PPP2R2D: variants seen among roughly 807,000 people sequenced by gnomAD.
The protein encoded by PPP2R2D is protein phosphatase 2 regulatory subunit Bdelta, also known as serine/threonine-protein phosphatase 2A 55 kDa regulatory subunit B delta isoform.
Under a neutral mutation model 31.1 loss-of-function variants are expected in PPP2R2D, and 9 were observed. The observed-to-expected ratio is 0.29, with a 90% CI of 0.17 to 0.51. PPP2R2D has a LOEUF of 0.51. PPP2R2D is among the 20% of genes least tolerant of loss of function. The pLI, the probability that PPP2R2D is intolerant of heterozygous loss-of-function variation, is 0.98. For missense variants in PPP2R2D, 391 were observed against 465.6 expected (o/e 0.84, Z 1.48); for synonymous variants, 179 against 172.6 (o/e 1.04, Z -0.29).
intron 2 of PPP2R2D, among the ~76,000 whole-genome samples, chr10:131,927,470 G>A (rs1225226621): frequency 6.6e-6 from 1 of 152,194 alleles, no homozygotes; most frequent in Non-Finnish European, 1.5e-5. Context: ...GTGAGAGTCC[G>A]AGTGAAGACG....
chr10:131,966,643 T>G, the PPP2R2D span: 1 of 152,152 alleles, frequency 6.6e-6, no homozygotes, highest in East Asian at 1.9e-4. Flanking sequence ...CTTGAACTCC[T>G]GGGCTCAAGG....
intron 2 of PPP2R2D, among the ~76,000 whole-genome samples, chr10:131,929,504 T>C (rs554714889): frequency 6.6e-6 from 1 of 152,118 alleles, no homozygotes; most frequent in South Asian, 2.1e-4. Flanking sequence ...GGCCTGCATT[T>C]CTCAAGACTC....
At chr10:131,924,343 A>G (rs2036057320) in intron 2 of PPP2R2D, among the ~76,000 whole-genome samples, 1 of 152,124 alleles carries the variant, frequency 6.6e-6, no homozygotes, top group Non-Finnish European at 1.5e-5. Flanking sequence ...AATTACATTT[A>G]TATATAATTT....
chr10:131,929,685 C>T (rs1204264619), intron 2 of PPP2R2D, among the ~76,000 whole-genome samples: 4 of 152,128 alleles, frequency 2.6e-5, no homozygotes, highest in African/African-American at 4.8e-5. Flanking sequence ...CAGCAGCTCC[C>T]GGCTGTGCTC....
At chr10:131,913,101 C>A (rs1474464786) in intron 2 of PPP2R2D, among the ~76,000 whole-genome samples, 1 of 152,038 alleles carries the variant, frequency 6.6e-6, no homozygotes, top group Non-Finnish European at 1.5e-5. Flanking sequence ...CGGCTCACTG[C>A]AACCTCCGCT....
chr10:131,952,314 CG>C (rs1417427250), intron 8 of PPP2R2D, among the ~76,000 whole-genome samples: 2 of 51,448 alleles, frequency 3.9e-5, no homozygotes, highest in Non-Finnish European at 6.6e-5. Flanking sequence ...TGCGGGTGTG[CG>C]GGGGGTTCAC....
At position 131,956,276 on chromosome 10, in the gene PPP2R2D, A is replaced by C. The variant is rs551688590; in HGVS notation, c.*313A>C. On this transcript the variant is annotated 3_prime_UTR_variant, in exon 9 of 9. Coordinates refer to ENST00000455566, the MANE Select transcript of PPP2R2D (RefSeq NM_018461.5). ...CTTCCTTTCCAATTTATAGACCAAA[A>C]AATTAACATCCAAGAGAAAAGTTAT... 10 of 1,057,108 alleles carry C rather than the reference A, an allele frequency of 9.5e-6. No homozygotes were observed. The East Asian group carries it at 5.3e-4, about 56-fold the overall frequency. 65.5% of individuals were successfully genotyped at this position (1,057,108 alleles called of 1,614,324 possible).
intron 2 of PPP2R2D, among the ~76,000 whole-genome samples, chr10:131,927,047 C>G (rs2036120884): frequency 6.6e-6 from 1 of 152,240 alleles, no homozygotes; most frequent in Non-Finnish European, 1.5e-5. Context: ...TCCAGGTGGT[C>G]TCTGCTGGAA....
At chr10:131,970,404 C>A in the PPP2R2D span, 1 of 593,818 alleles carries the variant, frequency 1.7e-6, no homozygotes, top group Non-Finnish European at 2.9e-6. The surrounding 1 kb of genome is among the most constrained non-coding windows in gnomAD (Gnocchi z 4.1). Context: ...CAGTGAGCAA[C>A]AGGCAGACTC....
At chr10:131,907,453 C>G (rs1271798244) in intron 2 of PPP2R2D, among the ~76,000 whole-genome samples, 1 of 152,120 alleles carries the variant, frequency 6.6e-6, no homozygotes, top group Non-Finnish European at 1.5e-5. Flanking sequence ...TTAAGATTCA[C>G]AGACTCGCCG....
Position 131,947,387 on chromosome 10 carries a change from GA to G in PPP2R2D, c.821-141del, listed in dbSNP as rs2119925764. ...GTCACAGAAGATCAGAAAACCTAGA[GA>G]ATCAGAAAGATCAGAAGACCTAGTG... On this transcript the variant is annotated intron_variant, in intron 7 of 8. Transcript: ENST00000455566. The surrounding 1 kb of genome is among the most constrained non-coding windows in gnomAD (Gnocchi z 4.3). 2.4e-6 allele frequency: 2 copies of G among 837,160 alleles called. No individual in the cohort carries two copies. The highest frequency in any genetic ancestry group is 3.4e-5 in the African/African-American group (2 of 58,186). The allele number at this position is 837,160 out of a possible 1,614,324, so 51.9% of individuals were successfully genotyped here.
intron 2 of PPP2R2D, among the ~76,000 whole-genome samples, chr10:131,915,459 A>G (rs2035761265): frequency 6.6e-6 from 1 of 152,190 alleles, no homozygotes; most frequent in Non-Finnish European, 1.5e-5. Context: ...CACACTTAAC[A>G]ACGGTCCATC....
chr10:131,957,595 G>A lies in PPP2R2D; in HGVS notation c.*1632G>A. 5.8e-6 allele frequency: 1 copy of A among 173,052 alleles called. No individual in the cohort carries two copies. The highest frequency in any genetic ancestry group is 1.2e-5 in the Non-Finnish European group (1 of 82,202). 10.7% of individuals were successfully genotyped at this position (173,052 alleles called of 1,614,324 possible). ...TGCTGATCCCCCATCTCCCTGTGGA[G>A]ATGAAGGTGTGTGCTGATCCCCATC... On this transcript the variant is annotated 3_prime_UTR_variant, in exon 9 of 9. Coordinates refer to ENST00000455566, the MANE Select transcript of PPP2R2D (RefSeq NM_018461.5).
intron 2 of PPP2R2D, among the ~76,000 whole-genome samples, chr10:131,927,121 G>A (rs2119818429): frequency 6.6e-6 from 1 of 152,178 alleles, no homozygotes; most frequent in East Asian, 1.9e-4. Flanking sequence ...TCTCTTTTGG[G>A]TTCTTCTGTT....
chr10:131,965,310 G>C, the PPP2R2D span, among the ~76,000 whole-genome samples: 1 of 152,132 alleles, frequency 6.6e-6, no homozygotes, highest in Non-Finnish European at 1.5e-5. Flanking sequence ...AGGAAGTGGC[G>C]GCTGCCGGTT....
In PPP2R2D at chr10:131,945,635, T is replaced by C; in HGVS notation, c.820+176T>C. ...CCACCATGCCCAGCTAGTTTTTGTA[T>C]TTTTAGTACAGACAGGGTTTCACCA... On this transcript the variant is annotated intron_variant, in intron 7 of 8. Coordinates refer to ENST00000455566, the MANE Select transcript of PPP2R2D (RefSeq NM_018461.5). This position sits in a 1 kb window ranked among gnomAD's most constrained non-coding sequence, Gnocchi z 4.8. 1.4e-6 allele frequency: 1 copy of C among 694,900 alleles called. No individual in the cohort carries two copies. The highest frequency in any genetic ancestry group is 2.3e-6 in the Non-Finnish European group (1 of 428,330). The allele number at this position is 694,900 out of a possible 1,614,324, so 43.0% of individuals were successfully genotyped here.
the PPP2R2D span, chr10:131,968,577 GA>G: frequency 6.3e-7 from 1 of 1,592,664 alleles, no homozygotes; most frequent in Non-Finnish European, 8.6e-7. Flanking sequence ...ATCCTTCACA[GA>G]AAAATTATCA....
At chr10:131,962,632 C>T (rs1411586525), downstream of PPP2R2D, among the ~76,000 whole-genome samples, 1 of 152,188 alleles carries the variant, frequency 6.6e-6, no homozygotes, top group African/African-American at 2.4e-5. Flanking sequence ...TGCAGATTTG[C>T]AGGGACCGTC....
rs190883092 is a variant in PPP2R2D at position 131,923,116 on chromosome 10, C to T, written c.101-11342C>T. On this transcript the variant is annotated intron_variant, in intron 2 of 8. Transcript: ENST00000455566. ...TAATTCTAGAACCTTTCCATCACCCCTAAAAGAAACCCACTAGCAGTCCCT... is the reference window on the plus strand; with the variant it reads ...TAATTCTAGAACCTTTCCATCACCCTTAAAAGAAACCCACTAGCAGTCCCT... 2.0e-5 allele frequency among the ~76,000 whole-genome samples: 3 copies of T among 152,304 alleles called. No homozygotes were observed. In the East Asian group the frequency reaches 5.8e-4, roughly 29 times the overall value.
Sources: allele counts gnomAD v4.1 joint callset (sites outside exome capture counted in the v4.1 genomes callset), GRCh38; gene constraint gnomAD v4.1.1; non-coding constraint Gnocchi (gnomAD v3.1); transcripts MANE v1.5; gene names NCBI Gene and HGNC (gene_info 2026-07-23, HGNC 2026-07-21).